Variants in PROS1 observed in about 807,000 individuals in gnomAD.
PROS1 encodes the protein protein S.
Under a neutral mutation model 75.9 loss-of-function variants are expected in PROS1, and 29 were observed. The ratio of observed to expected loss-of-function variants is 0.38; its 90% CI spans 0.28 to 0.52. The LOEUF (loss-of-function observed/expected upper bound fraction) is 0.52. PROS1 is among the 20% of genes least tolerant of loss of function. The pLI, the probability that PROS1 is intolerant of heterozygous loss-of-function variation, is 0.83. For synonymous variants in PROS1, 245 were observed against 280.6 expected, an observed-to-expected ratio of 0.87 and a Z score of 1.27; for missense variants, 680 against 810.3, an observed-to-expected ratio of 0.84 and a Z score of 1.95.
At chr3:93,917,622 C>T (rs1479770559) in intron 3 of PROS1, among the ~76,000 whole-genome samples, 8 of 151,980 alleles carry the variant, frequency 5.3e-5, no homozygotes, top group African/African-American at 1.7e-4. Context: ...GAGGGAAAGG[C>T]GCGAGGGGGA....
intron 1 of PROS1, among the ~76,000 whole-genome samples, chr3:93,962,150 C>G (rs1443511765): frequency 6.6e-6 from 1 of 152,018 alleles, no homozygotes; most frequent in Non-Finnish European, 1.5e-5. Context: ...TGGGAAGAAA[C>G]AGGGGTGGCT....
At chr3:93,949,213 A>G (rs530082361) in intron 1 of PROS1, among the ~76,000 whole-genome samples, 1 of 152,190 alleles carries the variant, frequency 6.6e-6, no homozygotes, top group Non-Finnish European at 1.5e-5. Flanking sequence ...AGGCAGTGCC[A>G]CACCACAATA....
chr3:93,906,200 T>A, intron 4 of PROS1, 57 bp from the exon 5 acceptor site: 2 of 1,583,296 alleles, frequency 1.3e-6, no homozygotes, highest in South Asian at 2.3e-5. Flanking sequence ...AAAAATAAAA[T>A]TGTGTGTACT....
chr3:93,895,130 C>G (rs1472102234), intron 9 of PROS1, among the ~76,000 whole-genome samples: 1 of 152,070 alleles, frequency 6.6e-6, no homozygotes, highest in Admixed American at 6.5e-5. Context: ...CAATACAATG[C>G]AAATGTATGT....
At chr3:93,958,706 A>C (rs1709650790) in intron 1 of PROS1, 1 of 152,270 alleles carries the variant, frequency 6.6e-6, no homozygotes, top group Non-Finnish European at 1.5e-5. Flanking sequence ...AAGTCTCATG[A>C]AGTCTGATGG....
chr3:93,906,167 A>AT (rs746737659), intron 4 of PROS1, 24 bp from the exon 5 acceptor site: 209 of 1,609,858 alleles, frequency 1.3e-4, no homozygotes, highest in Non-Finnish European at 1.5e-4. Flanking sequence ...ACATCTATTT[A>AT]TTTTTTTTAT....
At position 93,902,086 on chromosome 3, in the gene PROS1, G is replaced by A. The variant is rs1433606568; in HGVS notation, c.602-1157C>T. On this transcript the variant is annotated intron_variant, in intron 6 of 14. Transcript: ENST00000394236. The stretch of plus-strand genomic sequence containing the variant: ...TAGCACTTTGGGGGTCAAAGTGTTC[G>A]AGACCAGCCTGAGCAACATGGTGGA... Among the ~76,000 whole-genome samples the A allele has an allele frequency of 1.7e-4, 26 of 151,930 alleles. No homozygotes were observed. The South Asian group carries it at 4.0e-3, about 23-fold the overall frequency.
At chr3:93,935,757 A>G (rs191838721) in intron 1 of PROS1, among the ~76,000 whole-genome samples, 2 of 152,212 alleles carry the variant, frequency 1.3e-5, no homozygotes, top group Admixed American at 6.5e-5. Context: ...TTCTAATTCA[A>G]TGGTTTCTAC....
chr3:93,921,719 A>G (rs1289073928), intron 3 of PROS1, among the ~76,000 whole-genome samples: 1 of 152,162 alleles, frequency 6.6e-6, no homozygotes, highest in African/African-American at 2.4e-5. Flanking sequence ...TGTTGAGTTT[A>G]GAATATTTTC....
chr3:93,973,423 C>G (rs1353252312), intron 1 of PROS1: 1 of 484,918 alleles, frequency 2.1e-6, no homozygotes. Flanking sequence ...TCCATTGATA[C>G]TTAGTGTCAT....
intron 6 of PROS1, among the ~76,000 whole-genome samples, chr3:93,904,449 G>A (rs558709845): frequency 1.3e-5 from 2 of 152,238 alleles, no homozygotes; most frequent in African/African-American, 4.8e-5. Context: ...TCACTTTAGA[G>A]TCATTTAACT....
chr3:93,942,843 T>A (rs1405399249), intron 1 of PROS1, among the ~76,000 whole-genome samples: 4 of 152,146 alleles, frequency 2.6e-5, no homozygotes, highest in Admixed American at 2.0e-4. Context: ...CAGGGATTAC[T>A]CAGGCCCCCT....
chr3:93,937,066 G>T (rs1335133044), intron 1 of PROS1, among the ~76,000 whole-genome samples: 1 of 152,192 alleles, frequency 6.6e-6, no homozygotes, highest in Non-Finnish European at 1.5e-5. Flanking sequence ...ACGAGCCACA[G>T]ACAAAACCTC....
intron 1 of PROS1, among the ~76,000 whole-genome samples, chr3:93,961,716 A>C (rs1377601423): frequency 1.3e-5 from 2 of 152,250 alleles, no homozygotes; most frequent in Non-Finnish European, 2.9e-5. Flanking sequence ...CATAATTTTT[A>C]ATCAGGCTGA....
chr3:93,934,000 C>T (rs1294647342), intron 1 of PROS1, among the ~76,000 whole-genome samples: 2 of 133,042 alleles, frequency 1.5e-5, no homozygotes, highest in Non-Finnish European at 3.1e-5. Flanking sequence ...CAGAAAGAGA[C>T]TCTGTCTCAA....
At chr3:93,921,113 G>A (rs1389033543) in intron 3 of PROS1, among the ~76,000 whole-genome samples, 1 of 152,070 alleles carries the variant, frequency 6.6e-6, no homozygotes, top group African/African-American at 2.4e-5. Context: ...CAAACTCCTG[G>A]CCTCAAGTGA....
intron 1 of PROS1, among the ~76,000 whole-genome samples, chr3:93,959,765 C>A (rs1336294043): frequency 6.6e-6 from 1 of 152,206 alleles, no homozygotes; most frequent in African/African-American, 2.4e-5. Context: ...TCAGGGACTT[C>A]ACTTTCCAAA....
chr3:93,880,737 G>C (rs1007755892), intron 12 of PROS1, among the ~76,000 whole-genome samples: 5 of 151,964 alleles, frequency 3.3e-5, no homozygotes, highest in Non-Finnish European at 7.4e-5. Flanking sequence ...ATGTATAGAA[G>C]TTAAAATGTA....
chr3:93,963,360 A>G (rs1221944826), intron 1 of PROS1, among the ~76,000 whole-genome samples: 1 of 152,156 alleles, frequency 6.6e-6, no homozygotes, highest in Non-Finnish European at 1.5e-5. Context: ...TGTTATAAAT[A>G]AGATGAGCCT....
Sources: allele counts gnomAD v4.1 joint callset (sites outside exome capture counted in the v4.1 genomes callset), GRCh38; gene constraint gnomAD v4.1.1; transcripts MANE v1.5; gene names NCBI Gene and HGNC (gene_info 2026-07-23, HGNC 2026-07-21).